The following NTN1 variants were observed in gnomAD, a reference collection of about 807,000 sequenced individuals.
NTN1 encodes the protein netrin-1.
Under a neutral mutation model 54.2 loss-of-function variants are expected in NTN1, and 11 were observed. The ratio of observed to expected loss-of-function variants is 0.20; its 90% confidence interval spans 0.13 to 0.34. NTN1 has a LOEUF of 0.34. NTN1 is among the 10% of genes least tolerant of loss of function. The probability of loss-of-function intolerance (pLI) is 1.00; values close to 1 mark genes in which losing one functional copy is unlikely to be tolerated. For synonymous variants in NTN1, 371 were observed against 382.0 expected, an observed-to-expected ratio of 0.97 and a Z score of 0.33; for missense variants, 740 against 893.1, an observed-to-expected ratio of 0.83 and a Z score of 2.18.
At chr17:9,017,244 A>G (rs904482261), upstream of NTN1, among the ~76,000 whole-genome samples, 2 of 151,948 alleles carry the variant, frequency 1.3e-5, no homozygotes, top group African/African-American at 4.8e-5. Flanking sequence ...CCTGCCACTT[A>G]TATTCACACT....
At chr17:9,084,828 T>C (rs544408696) in intron 2 of NTN1, among the ~76,000 whole-genome samples, 61 of 151,966 alleles carry the variant, frequency 4.0e-4, no homozygotes, top group Non-Finnish European at 7.5e-4. Flanking sequence ...TTTTTTTGTA[T>C]TTTTAGTAGA....
chr17:9,198,318 C>G (rs533635119), intron 5 of NTN1, among the ~76,000 whole-genome samples: 1 of 152,318 alleles, frequency 6.6e-6, no homozygotes, highest in Non-Finnish European at 1.5e-5. Context: ...CTGCCCAAGT[C>G]AGTCAGCCAT....
intron 2 of NTN1, among the ~76,000 whole-genome samples, chr17:9,052,539 C>T (rs1425173601): frequency 2.0e-5 from 3 of 152,136 alleles, no homozygotes; most frequent in Non-Finnish European, 4.4e-5. Flanking sequence ...GAGAGAAAAA[C>T]CTTAACATCT....
At chr17:9,018,855 G>A (rs116199840), upstream of NTN1, among the ~76,000 whole-genome samples, 1,081 of 152,242 alleles carry the variant, frequency 7.1e-3, 15 homozygotes, top group African/African-American at 0.025. Context: ...CTGTCCAACC[G>A]AGCTCACTGT....
intron 2 of NTN1, among the ~76,000 whole-genome samples, chr17:9,074,587 C>T (rs1319960935): frequency 6.6e-6 from 1 of 152,216 alleles, no homozygotes; most frequent in Non-Finnish European, 1.5e-5. Context: ...AGATGACTCT[C>T]CTGTCCACTT....
At chr17:9,080,716 G>T (rs2092067821) in intron 2 of NTN1, among the ~76,000 whole-genome samples, 1 of 152,172 alleles carries the variant, frequency 6.6e-6, no homozygotes, top group Non-Finnish European at 1.5e-5. Context: ...AAGCAAGAGG[G>T]GTTGAAGGTT....
Position 9,110,389 on chromosome 17 carries a change from C to A in NTN1, c.1019-52424C>A, listed in dbSNP as rs372697260. Among the ~76,000 whole-genome samples, 77 of 152,202 alleles carry A rather than the reference C, an allele frequency of 5.1e-4. 2 individuals carry two copies. Among genetic ancestry groups the A allele is most frequent in the African/African-American group, 1.8e-3 (74 of 41,526 alleles). On this transcript the variant is annotated intron_variant, in intron 2 of 6. Coordinates refer to ENST00000173229, the MANE Select transcript of NTN1 (RefSeq NM_004822.3). ...GGTTTAAACAATTCTCCTGCCTCAG[C>A]CTCCTGAGTAGCTGGGATTACAGGC...
At chr17:9,095,942 G>A (rs2092130689) in intron 2 of NTN1, among the ~76,000 whole-genome samples, 1 of 152,014 alleles carries the variant, frequency 6.6e-6, no homozygotes, top group African/African-American at 2.4e-5. Flanking sequence ...TGGGATTACA[G>A]GTGTGTGTCA....
chr17:9,162,919 C>T lies in NTN1; in HGVS notation c.1125C>T (p.Thr375=), dbSNP rs751598491. ...GGVCLNCRHN[T]AGRHCHYCKE... ...TCTGCCTCAACTGTCGCCACAACACCGCCGGCCGCCACTGCCATTACTGCA... is the reference window on the plus strand; with the variant it reads ...TCTGCCTCAACTGTCGCCACAACACTGCCGGCCGCCACTGCCATTACTGCA... Residue 375 remains threonine (T), a synonymous_variant, in exon 3 of 7, where the codon ACC becomes ACT. Coordinates refer to ENST00000173229, the MANE Select transcript of NTN1 (RefSeq NM_004822.3). 3.0e-5 allele frequency: 49 copies of T among 1,611,314 alleles called. No homozygotes were observed. Among genetic ancestry groups the T allele is most frequent in the South Asian group, 1.9e-4 (17 of 90,852 alleles).
At chr17:9,021,825 C>T (rs769235693) in intron 1 of NTN1, among the ~76,000 whole-genome samples, 2 of 152,060 alleles carry the variant, frequency 1.3e-5, no homozygotes, top group African/African-American at 2.4e-5. Context: ...GCGGGCTCCC[C>T]GGAGGGGCCA....
At chr17:9,005,435 CACACACAT>C in the NTN1 span, among the ~76,000 whole-genome samples, 2 of 151,742 alleles carry the variant, frequency 1.3e-5, no homozygotes, top group African/African-American at 4.8e-5. Context: ...ACCCAACACA[CACACACAT>C]ACACACACAC....
At chr17:9,161,430 C>A (rs1438053368) in intron 2 of NTN1, among the ~76,000 whole-genome samples, 3 of 152,184 alleles carry the variant, frequency 2.0e-5, no homozygotes, top group African/African-American at 7.2e-5. Context: ...GCCCTGAAGG[C>A]CATGCTGAGT....
chr17:9,094,511 A>G (rs1296766142), intron 2 of NTN1, among the ~76,000 whole-genome samples: 2 of 152,198 alleles, frequency 1.3e-5, no homozygotes, highest in Non-Finnish European at 2.9e-5. Flanking sequence ...CTATATTAAA[A>G]TGTGTGTATA....
chr17:9,156,238 G>GTTTT (rs11327966), intron 2 of NTN1, among the ~76,000 whole-genome samples: 1 of 141,918 alleles, frequency 7.0e-6, no homozygotes, highest in Non-Finnish European at 1.5e-5. Context: ...GCGTGAGTTG[G>GTTTT]TTTTTTTTTT....
chr17:9,228,609 C>T (rs1241732203), intron 6 of NTN1, among the ~76,000 whole-genome samples: 1 of 152,196 alleles, frequency 6.6e-6, no homozygotes, highest in Non-Finnish European at 1.5e-5. Context: ...TCTGCCAGTT[C>T]TTGGAAAAGT....
chr17:9,195,803 A>G (rs1168647062), intron 5 of NTN1, among the ~76,000 whole-genome samples: 2 of 152,174 alleles, frequency 1.3e-5, no homozygotes, highest in Non-Finnish European at 2.9e-5. Flanking sequence ...GCCCCCCTCC[A>G]GCCCCAGAGC....
At chr17:9,066,280 T>C (rs1339921131) in intron 2 of NTN1, among the ~76,000 whole-genome samples, 1 of 151,842 alleles carries the variant, frequency 6.6e-6, no homozygotes, top group Non-Finnish European at 1.5e-5. Context: ...AAAAAAGATA[T>C]CATAAAGACA....
At chr17:9,214,722 T>C (rs1011065089) in intron 5 of NTN1, among the ~76,000 whole-genome samples, 1 of 152,194 alleles carries the variant, frequency 6.6e-6, no homozygotes, top group Non-Finnish European at 1.5e-5. Context: ...CTCAGGAGGC[T>C]GAGGCAGGAG....
intron 5 of NTN1, among the ~76,000 whole-genome samples, chr17:9,215,155 G>T (rs998697340): frequency 1.3e-5 from 2 of 151,870 alleles, no homozygotes; most frequent in Non-Finnish European, 2.9e-5. Flanking sequence ...AAGACAAAGG[G>T]TTTTATTCCC....
Sources: allele counts gnomAD v4.1 joint callset (sites outside exome capture counted in the v4.1 genomes callset), GRCh38; gene constraint gnomAD v4.1.1; transcripts MANE v1.5; gene names NCBI Gene and HGNC (gene_info 2026-07-23, HGNC 2026-07-21).